Variants in STRN3 observed in about 807,000 individuals in gnomAD.
STRN3 encodes the protein striatin-3.
Under a neutral mutation model 95.6 loss-of-function variants are expected in STRN3, and 29 were observed. That is an observed-to-expected ratio of 0.30 (90% CI 0.23 to 0.41). The LOEUF (loss-of-function observed/expected upper bound fraction) is 0.41, where lower values mean the gene tolerates loss of function less well. Ranked by LOEUF, STRN3 falls within the 10% of genes least tolerant of loss-of-function variation. The probability of loss-of-function intolerance (pLI) is 1.00; values close to 1 mark genes in which losing one functional copy is unlikely to be tolerated. For synonymous variants in STRN3, 331 were observed against 357.6 expected (o/e 0.93, Z 0.84); for missense variants, 890 against 972.1 (o/e 0.92, Z 1.12).
At chr14:30,932,315 A>C (rs2139062107) in intron 7 of STRN3, 1 of 152,300 alleles carries the variant, frequency 6.6e-6, no homozygotes, top group Non-Finnish European at 1.5e-5. Context: ...CTATTTATAA[A>C]TATATTCAAA....
chr14:31,023,268 A>G (rs1883590827), intron 1 of STRN3, among the ~76,000 whole-genome samples: 1 of 152,160 alleles, frequency 6.6e-6, no homozygotes, highest in Admixed American at 6.5e-5. Context: ...ATGTTATATA[A>G]AAGTTAAGAA....
chr14:30,945,632 G>A (rs1445411668), intron 5 of STRN3, among the ~76,000 whole-genome samples: 1 of 151,974 alleles, frequency 6.6e-6, no homozygotes, highest in Non-Finnish European at 1.5e-5. Context: ...AAATAAAAAA[G>A]AAACACATAA....
chr14:31,002,750 T>G (rs1882526492), intron 1 of STRN3, among the ~76,000 whole-genome samples: 1 of 152,092 alleles, frequency 6.6e-6, no homozygotes, highest in African/African-American at 2.4e-5. Context: ...GGCATTTGTA[T>G]GTATGAGTCC....
chr14:31,013,701 C>T (rs1289964242), intron 1 of STRN3, among the ~76,000 whole-genome samples: 4 of 151,556 alleles, frequency 2.6e-5, no homozygotes, highest in Non-Finnish European at 2.9e-5. Flanking sequence ...TCAAGCAATC[C>T]TCTCCCCTGA....
rs192663257 is a variant in STRN3 at position 30,979,685 on chromosome 14, C to T, written c.283-23443G>A. 1.9e-3 allele frequency among the ~76,000 whole-genome samples: 287 copies of T among 152,064 alleles called. 2 individuals carry two copies. The highest frequency in any genetic ancestry group is 6.4e-3 in the African/African-American group (264 of 41,486). On this transcript the variant is annotated intron_variant, in intron 1 of 17. Coordinates refer to ENST00000357479, the MANE Select transcript of STRN3 (RefSeq NM_001083893.2). ...CACCATCTCGGCTCACTGAAACCTC[C>T]GCCTCCTGGGTTCAAGCAATTCTCC...
At chr14:30,974,226 A>C (rs1005251913) in intron 1 of STRN3, among the ~76,000 whole-genome samples, 5 of 152,238 alleles carry the variant, frequency 3.3e-5, no homozygotes, top group Admixed American at 2.6e-4. Flanking sequence ...TGAATCCAGC[A>C]AAGTAACAGA....
chr14:31,014,222 G>A (rs995872666), intron 1 of STRN3, among the ~76,000 whole-genome samples: 2 of 151,596 alleles, frequency 1.3e-5, no homozygotes, highest in Non-Finnish European at 3.0e-5. Flanking sequence ...AAAAATTGTT[G>A]TTGTTGTTGC....
intron 1 of STRN3, among the ~76,000 whole-genome samples, chr14:30,969,905 GACCCT>G (rs1319629741): frequency 7.9e-5 from 12 of 152,050 alleles, no homozygotes; most frequent in Non-Finnish European, 1.6e-4. Flanking sequence ...GCATGGGAAG[GACCCT>G]ACCTTGTGCT....
chr14:30,947,002 T>G, intron 5 of STRN3, 88 bp downstream of exon 5: 1 of 974,230 alleles, frequency 1.0e-6, no homozygotes, highest in South Asian at 2.9e-5. Context: ...AAAAAAGTTC[T>G]TAATGGCAGT....
chr14:30,997,108 C>T (rs1470485480), intron 1 of STRN3, among the ~76,000 whole-genome samples: 1 of 152,002 alleles, frequency 6.6e-6, no homozygotes, highest in Non-Finnish European at 1.5e-5. Context: ...GGCTAAGGAA[C>T]AGGATCAGGA....
chr14:31,017,422 C>G (rs1883291471), intron 1 of STRN3, among the ~76,000 whole-genome samples: 2 of 151,664 alleles, frequency 1.3e-5, no homozygotes, highest in Non-Finnish European at 2.9e-5. Flanking sequence ...TGGCGTGAAC[C>G]CAGGAGGCAG....
intron 7 of STRN3, 38 bp from the exon 8 acceptor site, chr14:30,929,349 A>C: frequency 6.5e-7 from 1 of 1,540,554 alleles, no homozygotes; most frequent in South Asian, 1.1e-5. Flanking sequence ...AAAAATCAGC[A>C]GTTGGCAATG....
chr14:30,961,372 A>G (rs982912322), intron 1 of STRN3, among the ~76,000 whole-genome samples: 8 of 152,240 alleles, frequency 5.3e-5, no homozygotes, highest in African/African-American at 1.9e-4. Context: ...ATGACATTTC[A>G]GTCAATGACA....
intron 1 of STRN3, among the ~76,000 whole-genome samples, chr14:31,004,193 G>GCTCCCACCTGAGCTCA (rs1254493757): frequency 2.6e-5 from 4 of 151,902 alleles, no homozygotes; most frequent in Non-Finnish European, 4.4e-5. Flanking sequence ...GCTGAGAGGT[G>GCTCCCACCTGAGCTCA]GGAAGATCAC....
rs762736031 is a variant in STRN3 at position 30,950,868 on chromosome 14, T to C, written c.537A>G (p.Leu179=). Residue 179 remains leucine, a synonymous_variant, in exon 4 of 18, where the codon TTA becomes TTG. Coordinates refer to ENST00000357479, the MANE Select transcript of STRN3 (RefSeq NM_001083893.2). The part of the protein sequence containing the change: ...QLTWKQGRQL[L]RQYLQEVGYT... ...GAAAATAAGTAATTACTCACTGTCT[T>C]AAAAGCTGTCTGCCTTGCTTCCACG... 1 of 1,613,876 alleles carries C rather than the reference T, an allele frequency of 6.2e-7. No homozygotes were observed. Among genetic ancestry groups the C allele is most frequent in the South Asian group, 1.1e-5 (1 of 91,034 alleles).
chr14:30,952,493 G>A (rs1213282588), intron 3 of STRN3, among the ~76,000 whole-genome samples: 1 of 151,940 alleles, frequency 6.6e-6, no homozygotes, highest in Non-Finnish European at 1.5e-5. Flanking sequence ...TGAGCCCACG[G>A]GTTCAAGACC....
At chr14:30,984,432 C>A (rs1881578893) in intron 1 of STRN3, among the ~76,000 whole-genome samples, 1 of 151,528 alleles carries the variant, frequency 6.6e-6, no homozygotes, top group Non-Finnish European at 1.5e-5. Context: ...GTTAAGCCAC[C>A]TAATTTTGAG....
intron 6 of STRN3, among the ~76,000 whole-genome samples, chr14:30,936,054 G>A (rs1878801707): frequency 6.6e-6 from 1 of 152,158 alleles, no homozygotes; most frequent in Admixed American, 6.5e-5. Context: ...ATGAGCAAAA[G>A]TAAATTTTTA....
At chr14:30,943,006 C>T (rs1248187230) in intron 5 of STRN3, among the ~76,000 whole-genome samples, 1 of 152,214 alleles carries the variant, frequency 6.6e-6, no homozygotes, top group Non-Finnish European at 1.5e-5. Context: ...AGTCTGTCTT[C>T]AGAATTCATA....
Sources: allele counts gnomAD v4.1 joint callset (sites outside exome capture counted in the v4.1 genomes callset), GRCh38; gene constraint gnomAD v4.1.1; transcripts MANE v1.5; gene names NCBI Gene and HGNC (gene_info 2026-07-23, HGNC 2026-07-21).